Variants in ANP32A observed in about 807,000 individuals in gnomAD.
ANP32A encodes the protein acidic leucine-rich nuclear phosphoprotein 32 family member A.
A neutral mutation model predicts 33.9 loss-of-function variants in ANP32A; 1 was observed. That is an observed-to-expected ratio of 0.03 (90% CI 0.01 to 0.14). The LOEUF (loss-of-function observed/expected upper bound fraction) is 0.14. Ranked by LOEUF, ANP32A falls within the 10% of genes least tolerant of loss-of-function variation. The pLI, the probability that ANP32A is intolerant of heterozygous loss-of-function variation, is 1.00. For synonymous variants in ANP32A, 115 were observed against 120.5 expected (o/e 0.95, Z 0.30); for missense variants, 155 against 306.0 (o/e 0.51, Z 3.68).
chr15:68,811,623 T>C (rs1894313252), intron 1 of ANP32A, among the ~76,000 whole-genome samples: 1 of 152,206 alleles, frequency 6.6e-6, no homozygotes, highest in African/African-American at 2.4e-5. Context: ...AGGACTGTAG[T>C]GAATTCCTAG....
intron 1 of ANP32A, 105 bp downstream of exon 1, chr15:68,820,593 C>CGGGGGGGGGGGGGGGGGGGGGGGGGGGGG: frequency 1.9e-6 from 1 of 517,608 alleles, no homozygotes; most frequent in Non-Finnish European, 3.1e-6. Context: ...CCGCACCTCC[C>CGGGGGGGGGGGGGGGGGGGGGGGGGGGGG]GGGCGCCCCC....
chr15:68,783,006 C>T lies in ANP32A; in HGVS notation c.574G>A (p.Glu192Lys), dbSNP rs1218477454. Residue 192 changes from glutamate (E) to lysine (K), a missense_variant, in exon 5 of 7, where the codon GAG becomes AAG. Coordinates refer to ENST00000465139, the MANE Select transcript of ANP32A (RefSeq NM_006305.4). Reference sequence around the variant, plus strand: ...TCTTCACCTTCCTCCTCCTCATCCTCGTCCTCCTCGTCTTCCACTACCTGA... The same window carrying T: ...TCTTCACCTTCCTCCTCCTCATCCTTGTCCTCCTCGTCTTCCACTACCTGA... The part of the protein sequence containing the change: ...DAQVVEDEED[E>K]DEEEEGEEED... 2 of 1,551,648 alleles carry T rather than the reference C, an allele frequency of 1.3e-6. No homozygotes were observed. Among genetic ancestry groups the T allele is most frequent in the Non-Finnish European group, 1.7e-6 (2 of 1,146,688 alleles).
rs1274735077 is a variant in ANP32A at position 68,788,539 on chromosome 15, C to T, written c.55-620G>A. 2.6e-5 allele frequency among the ~76,000 whole-genome samples: 4 copies of T among 152,324 alleles called. No individual in the cohort carries two copies. The East Asian group carries it at 5.8e-4, about 22-fold the overall frequency. On this transcript the variant is annotated intron_variant, in intron 1 of 6. Transcript: ENST00000465139. The stretch of plus-strand genomic sequence containing the variant: ...ACAGAACTTCCTTCAAGGACGGAAA[C>T]GGTCTGTACTGTTCAAGACAGGGGC...
chr15:68,803,054 G>A (rs535554426), intron 1 of ANP32A, among the ~76,000 whole-genome samples: 14 of 152,218 alleles, frequency 9.2e-5, no homozygotes, highest in African/African-American at 3.1e-4. Flanking sequence ...GGTGCTGAGG[G>A]TACAATGATA....
intron 1 of ANP32A, among the ~76,000 whole-genome samples, chr15:68,795,313 A>AT (rs955671972): frequency 1.3e-5 from 2 of 152,166 alleles, no homozygotes; most frequent in East Asian, 1.9e-4. Flanking sequence ...CACGTCTCTG[A>AT]TTTTTTTTGT....
In ANP32A at chr15:68,779,884, A is replaced by C; in HGVS notation, c.*197T>G. On this transcript the variant is annotated 3_prime_UTR_variant, in exon 7 of 7. Transcript: ENST00000465139. ...AAAAAAATAAAGAGTGGCAGTAAAA[A>C]TAGTATTTTATTCCACCCCCACCCG... The C allele has an allele frequency of 1.8e-6, 1 of 555,846 alleles. No homozygotes were observed. Among genetic ancestry groups the C allele is most frequent in the South Asian group, 2.6e-5 (1 of 38,164 alleles). 34.4% of individuals were successfully genotyped at this position (555,846 alleles called of 1,614,324 possible).
Position 68,780,725 on chromosome 15 carries a change from C to A in ANP32A, c.625-252G>T, listed in dbSNP as rs994457839. The A allele has an allele frequency of 3.1e-5, 15 of 489,616 alleles. No homozygotes were observed. The highest frequency in any genetic ancestry group is 4.8e-5 in the Non-Finnish European group (14 of 294,666). The allele number at this position is 489,616 out of a possible 1,614,324, so 30.3% of individuals were successfully genotyped here. A position where few individuals can be genotyped will look rare whatever the true frequency, so the allele number is the denominator to read the frequency against. ...CCGTATCATTTATAATATTTGCAAG[C>A]AGTTTCAGGGGGTTATGGATTCCAG... On this transcript the variant is annotated intron_variant, in intron 5 of 6. Coordinates refer to ENST00000465139, the MANE Select transcript of ANP32A (RefSeq NM_006305.4). The surrounding 1 kb of genome is among the most constrained non-coding windows in gnomAD (Gnocchi z 4.3).
chr15:68,783,319 C>T (rs949090735), intron 4 of ANP32A, among the ~76,000 whole-genome samples: 2 of 152,136 alleles, frequency 1.3e-5, no homozygotes, highest in African/African-American at 4.8e-5. Flanking sequence ...ACCGAGACCA[C>T]CAGGAAATTG....
At chr15:68,781,669 T>A (rs1319042882) in intron 5 of ANP32A, 1 of 151,200 alleles carries the variant, frequency 6.6e-6, no homozygotes, top group East Asian at 2.0e-4. Context: ...AGCGGTGCCA[T>A]CTCGGCTCAC....
intron 1 of ANP32A, among the ~76,000 whole-genome samples, chr15:68,793,086 G>A (rs1596066985): frequency 2.0e-5 from 3 of 152,198 alleles, no homozygotes; most frequent in South Asian, 4.2e-4. Flanking sequence ...GGGCACCAAG[G>A]GCAGCTGCTG....
At chr15:68,800,822 G>C (rs1475855716) in intron 1 of ANP32A, among the ~76,000 whole-genome samples, 1 of 151,418 alleles carries the variant, frequency 6.6e-6, no homozygotes, top group African/African-American at 2.4e-5. Flanking sequence ...AGGGTAACCA[G>C]GAAGGCCTAT....
rs558687896 is a variant in ANP32A at position 68,787,247 on chromosome 15, T to C, written c.327+166A>G. 2.8e-4 allele frequency: 281 copies of C among 996,056 alleles called. No homozygotes were observed. The African/African-American group carries it at 4.1e-3, about 15-fold the overall frequency. 61.7% of individuals were successfully genotyped at this position (996,056 alleles called of 1,614,324 possible). A position where few individuals can be genotyped will look rare whatever the true frequency, so the allele number is the denominator to read the frequency against. On this transcript the variant is annotated intron_variant, in intron 3 of 6. Coordinates refer to ENST00000465139, the MANE Select transcript of ANP32A (RefSeq NM_006305.4). The stretch of plus-strand genomic sequence containing the variant: ...GGTATTTAACTTCTCTGGGCCTCAG[T>C]TTCTCTATGGACTCAGCAGAAACAA...
At chr15:68,782,822 G>C (rs1010611025) in intron 5 of ANP32A, 134 bp downstream of exon 5, 10 of 1,420,690 alleles carry the variant, frequency 7.0e-6, no homozygotes, top group African/African-American at 1.4e-5. Flanking sequence ...CTCTGAAATG[G>C]ACTCACTTCA....
At position 68,820,825 on chromosome 15, in the gene ANP32A, G is replaced by T. The variant is rs1013220829; in HGVS notation, c.-74C>A. The T allele has an allele frequency of 1.1e-5, 17 of 1,584,110 alleles. No homozygotes were observed. Among genetic ancestry groups the T allele is most frequent in the Non-Finnish European group, 1.5e-5 (17 of 1,155,250 alleles). On this transcript the variant is annotated 5_prime_UTR_variant, in exon 1 of 7. Coordinates refer to ENST00000465139, the MANE Select transcript of ANP32A (RefSeq NM_006305.4). ...CAATAAACCCCGAACCCACGGCCGCGCGTTTTAGGACTTTGAAGGCTCAAC... is the reference window on the plus strand; with the variant it reads ...CAATAAACCCCGAACCCACGGCCGCTCGTTTTAGGACTTTGAAGGCTCAAC...
At chr15:68,804,974 A>C (rs1156415275) in intron 1 of ANP32A, among the ~76,000 whole-genome samples, 1 of 152,202 alleles carries the variant, frequency 6.6e-6, no homozygotes, top group Non-Finnish European at 1.5e-5. Flanking sequence ...AGATGAAATT[A>C]TTGGCCAATT....
chr15:68,780,183 C>A lies in ANP32A; in HGVS notation c.689-41G>T, dbSNP rs1367573512. ...AGCGGCATTTAGATTAGTTATTAAT[C>A]CCACCTCTTTAACTCAACCCACCCA... On this transcript the variant is annotated intron_variant, in intron 6 of 6. Coordinates refer to ENST00000465139, the MANE Select transcript of ANP32A (RefSeq NM_006305.4). This position sits in a 1 kb window ranked among gnomAD's most constrained non-coding sequence, Gnocchi z 4.3. 5 of 1,610,736 alleles carry A rather than the reference C, an allele frequency of 3.1e-6. No homozygotes were observed. The East Asian group carries it at 1.1e-4, about 36-fold the overall frequency.
At chr15:68,804,690 A>G (rs796912055) in intron 1 of ANP32A, among the ~76,000 whole-genome samples, 5 of 151,954 alleles carry the variant, frequency 3.3e-5, no homozygotes, top group African/African-American at 1.2e-4. Flanking sequence ...TAATTTTTGT[A>G]TTTTTGTAGA....
intron 1 of ANP32A, among the ~76,000 whole-genome samples, chr15:68,800,083 A>T (rs1328348962): frequency 6.6e-6 from 1 of 152,118 alleles, no homozygotes; most frequent in Admixed American, 6.5e-5. Context: ...CTGTTAAGTG[A>T]CCGTGGGCAA....
intron 1 of ANP32A, among the ~76,000 whole-genome samples, chr15:68,802,933 CG>C (rs1378145593): frequency 1.3e-5 from 2 of 152,174 alleles, no homozygotes; most frequent in African/African-American, 4.8e-5. Context: ...GGATTACAGA[CG>C]TGAGCCATTG....
Sources: allele counts gnomAD v4.1 joint callset (sites outside exome capture counted in the v4.1 genomes callset), GRCh38; gene constraint gnomAD v4.1.1; non-coding constraint Gnocchi (gnomAD v3.1); transcripts MANE v1.5; gene names NCBI Gene and HGNC (gene_info 2026-07-23, HGNC 2026-07-21).